DPP10: variants seen among roughly 807,000 people sequenced by gnomAD.
The protein encoded by DPP10 is inactive dipeptidyl peptidase 10.
In DPP10, 33 loss-of-function variants were observed where a neutral mutation model predicts 120.9. That is an observed-to-expected ratio of 0.27 (90% CI 0.21 to 0.37). The LOEUF (loss-of-function observed/expected upper bound fraction) is 0.37, where lower values mean the gene tolerates loss of function less well. DPP10 is among the 10% of genes least tolerant of loss of function. The probability of loss-of-function intolerance (pLI) is 1.00; values close to 1 mark genes in which losing one functional copy is unlikely to be tolerated. For synonymous variants in DPP10, 337 were observed against 326.1 expected (o/e 1.03, Z -0.36); for missense variants, 816 against 942.8 (o/e 0.87, Z 1.76).
intron 5 of DPP10, among the ~76,000 whole-genome samples, chr2:115,607,764 T>C (rs1329067926): frequency 6.6e-6 from 1 of 152,116 alleles, no homozygotes; most frequent in Non-Finnish European, 1.5e-5. Context: ...TGGTGTCTTA[T>C]ATATAGTATA....
chr2:115,367,257 C>A (rs1301223696), intron 3 of DPP10, among the ~76,000 whole-genome samples: 1 of 151,458 alleles, frequency 6.6e-6, no homozygotes, highest in South Asian at 2.1e-4. Flanking sequence ...TTTGTGTGTG[C>A]GTGTGTGTGT....
At chr2:114,976,026 G>T (rs1699734497) in intron 1 of DPP10, among the ~76,000 whole-genome samples, 1 of 152,072 alleles carries the variant, frequency 6.6e-6, no homozygotes, top group Non-Finnish European at 1.5e-5. Flanking sequence ...AACCAAATAA[G>T]TTTTACTTGA....
At chr2:115,805,574 CA>C (rs1685846763) in intron 19 of DPP10, among the ~76,000 whole-genome samples, 1 of 145,918 alleles carries the variant, frequency 6.9e-6, no homozygotes, top group African/African-American at 2.6e-5. Flanking sequence ...TCTTGGCTCC[CA>C]TTTTTTTTTT....
At chr2:115,513,593 G>T (rs2077347240) in intron 4 of DPP10, among the ~76,000 whole-genome samples, 1 of 151,624 alleles carries the variant, frequency 6.6e-6, no homozygotes, top group Non-Finnish European at 1.5e-5. Context: ...TCTTAATTTA[G>T]AAAAAATTTG....
intron 1 of DPP10, among the ~76,000 whole-genome samples, chr2:114,641,807 CT>C (rs1042268521): frequency 4.6e-5 from 7 of 151,800 alleles, no homozygotes; most frequent in African/African-American, 1.5e-4. Context: ...TATATTTTGT[CT>C]TTTTTTATAC....
intron 1 of DPP10, among the ~76,000 whole-genome samples, chr2:114,552,279 C>A (rs1009555931): frequency 6.6e-6 from 1 of 152,154 alleles, no homozygotes; most frequent in Non-Finnish European, 1.5e-5. Context: ...GCAATTAATA[C>A]GATGCTAAGG....
chr2:114,979,332 A>T (rs1428449190), intron 1 of DPP10, among the ~76,000 whole-genome samples: 3 of 152,042 alleles, frequency 2.0e-5, no homozygotes, highest in Non-Finnish European at 4.4e-5. Flanking sequence ...TTTTAAAATT[A>T]TATGACAGAT....
In DPP10 at chr2:114,582,678, C is replaced by T. The variant is rs116568800; in HGVS notation, c.60+139840C>T. 7.9e-3 allele frequency among the ~76,000 whole-genome samples: 1,206 copies of T among 152,216 alleles called. 20 individuals carry two copies. The highest frequency in any genetic ancestry group is 0.027 in the African/African-American group (1,108 of 41,514). On this transcript the variant is annotated intron_variant, in intron 1 of 25. Transcript: ENST00000410059. ...TCTCATTTTGCTTTTATTTGTATTT[C>T]GTTGATGACGTATGATGTAGAGCCT...
At chr2:115,101,093 G>A (rs547614538) in intron 1 of DPP10, among the ~76,000 whole-genome samples, 2 of 152,214 alleles carry the variant, frequency 1.3e-5, no homozygotes, top group African/African-American at 2.4e-5. Flanking sequence ...TCCTCATCAC[G>A]CAGCCACAGG....
At chr2:115,836,452 T>C (rs140055318) in intron 22 of DPP10, 55 bp from the exon 23 acceptor site, 2 of 1,569,236 alleles carry the variant, frequency 1.3e-6, no homozygotes, top group Non-Finnish European at 1.7e-6. Flanking sequence ...TAATGAAATA[T>C]GCCAGTCAAA....
chr2:115,543,797 T>C (rs756960260), intron 5 of DPP10, among the ~76,000 whole-genome samples: 4 of 152,034 alleles, frequency 2.6e-5, no homozygotes, highest in Non-Finnish European at 5.9e-5. Context: ...ACACAGTCAA[T>C]GAGCGTTAAC....
intron 1 of DPP10, among the ~76,000 whole-genome samples, chr2:114,706,127 C>T (rs1486410262): frequency 6.6e-6 from 1 of 152,178 alleles, no homozygotes; most frequent in East Asian, 1.9e-4. Context: ...AGTGCAAGTT[C>T]TAAGTCAGTG....
At chr2:114,592,041 T>G (rs1240565244) in intron 1 of DPP10, among the ~76,000 whole-genome samples, 1 of 152,134 alleles carries the variant, frequency 6.6e-6, no homozygotes, top group African/African-American at 2.4e-5. Flanking sequence ...GTTGAGAAAC[T>G]TAGAGAGTCG....
intron 10 of DPP10, among the ~76,000 whole-genome samples, chr2:115,751,067 A>G (rs1575675116): frequency 6.6e-6 from 1 of 152,220 alleles, no homozygotes; most frequent in South Asian, 2.1e-4. Flanking sequence ...ACCAAAAAAT[A>G]TGACCTTCTT....
At chr2:114,530,768 TATTA>T (rs1344459300) in intron 1 of DPP10, among the ~76,000 whole-genome samples, 5 of 152,300 alleles carry the variant, frequency 3.3e-5, no homozygotes, top group African/African-American at 9.6e-5. Flanking sequence ...ATAATTACAG[TATTA>T]ATTCTTAAGT....
intron 1 of DPP10, among the ~76,000 whole-genome samples, chr2:114,949,165 C>A (rs147375568): frequency 1.7e-4 from 26 of 152,102 alleles, no homozygotes; most frequent in African/African-American, 6.0e-4. Context: ...CCTTGTGATG[C>A]ACCCGCCTCG....
At chr2:115,837,197 T>C (rs983218528) in intron 24 of DPP10, among the ~76,000 whole-genome samples, 1 of 152,340 alleles carries the variant, frequency 6.6e-6, no homozygotes, top group African/African-American at 2.4e-5. Context: ...GAAATTCTAA[T>C]GAGGTTACCC....
intron 1 of DPP10, among the ~76,000 whole-genome samples, chr2:115,008,049 C>A (rs367726050): frequency 3.7e-4 from 55 of 148,746 alleles, no homozygotes; most frequent in African/African-American, 1.2e-3. Flanking sequence ...GCTACCAATG[C>A]CTTTCTTCAC....
intron 16 of DPP10, among the ~76,000 whole-genome samples, 197 bp downstream of exon 16, chr2:115,781,192 T>G (rs1682726330): frequency 6.6e-6 from 1 of 151,824 alleles, no homozygotes; most frequent in African/African-American, 2.4e-5. Context: ...AAAATGAGAA[T>G]AAGTCAATAA....
Sources: allele counts gnomAD v4.1 joint callset (sites outside exome capture counted in the v4.1 genomes callset), GRCh38; gene constraint gnomAD v4.1.1; transcripts MANE v1.5; gene names NCBI Gene and HGNC (gene_info 2026-07-23, HGNC 2026-07-21).